Variants in ATP6V0E1 observed in about 807,000 individuals in gnomAD.
ATP6V0E1 encodes the protein V-type proton ATPase subunit e 1.
ATP6V0E1 carries 4 observed loss-of-function variants against 11.6 expected under a neutral mutation model. That is an observed-to-expected ratio of 0.35 (90% CI 0.17 to 0.79). The LOEUF (loss-of-function observed/expected upper bound fraction) is 0.79, where lower values mean the gene tolerates loss of function less well. Ranked by LOEUF, ATP6V0E1 falls within the 30% of genes least tolerant of loss-of-function variation. The pLI is 0.54. For synonymous variants in ATP6V0E1, 36 were observed against 34.8 expected (o/e 1.04, Z -0.13); for missense variants, 105 against 100.0 (o/e 1.05, Z -0.21).
At chr5:172,991,784 A>G (rs893850730) in intron 1 of ATP6V0E1, among the ~76,000 whole-genome samples, 2 of 152,140 alleles carry the variant, frequency 1.3e-5, no homozygotes, top group African/African-American at 4.8e-5. Flanking sequence ...AACTCTTACT[A>G]CCTGCACTGC....
intron 2 of ATP6V0E1, among the ~76,000 whole-genome samples, chr5:173,007,483 C>G (rs913897208): frequency 5.3e-5 from 8 of 152,188 alleles, no homozygotes; most frequent in African/African-American, 1.9e-4. Context: ...TCCTTTGTGT[C>G]AAATCATCTC....
chr5:172,991,307 G>T, intron 1 of ATP6V0E1, among the ~76,000 whole-genome samples: 1 of 152,162 alleles, frequency 6.6e-6, no homozygotes, highest in Non-Finnish European at 1.5e-5. Flanking sequence ...TCACCACTCA[G>T]CATGCAGCTC....
intron 2 of ATP6V0E1, among the ~76,000 whole-genome samples, chr5:173,001,065 C>T (rs1278173202): frequency 2.4e-4 from 37 of 152,124 alleles, no homozygotes; most frequent in Admixed American, 2.4e-3. Flanking sequence ...AGCACAGTTT[C>T]CTTACAGGGC....
chr5:173,002,528 T>C (rs1756174700), intron 2 of ATP6V0E1, among the ~76,000 whole-genome samples: 2 of 152,260 alleles, frequency 1.3e-5, no homozygotes. Context: ...TAGCCATATC[T>C]AGAGGCTGAT....
intron 3 of ATP6V0E1, among the ~76,000 whole-genome samples, chr5:173,029,665 T>C (rs569326192): frequency 6.6e-6 from 1 of 152,298 alleles, no homozygotes; most frequent in East Asian, 1.9e-4. Context: ...ATTTTTTGTT[T>C]TGTTTTGTTT....
At chr5:173,032,026 C>T (rs1286136349) in intron 3 of ATP6V0E1, among the ~76,000 whole-genome samples, 17 of 151,680 alleles carry the variant, frequency 1.1e-4, no homozygotes, top group East Asian at 2.0e-4. Context: ...TGGTGGCACA[C>T]GCCTGTAGTC....
chr5:173,033,104 T>A (rs1210543573), intron 3 of ATP6V0E1, among the ~76,000 whole-genome samples: 1 of 152,136 alleles, frequency 6.6e-6, no homozygotes, highest in East Asian at 1.9e-4. Context: ...GAAAAAAATA[T>A]TATTTATTGA....
chr5:173,019,009 G>T (rs1444138961), intron 2 of ATP6V0E1, among the ~76,000 whole-genome samples: 1 of 152,032 alleles, frequency 6.6e-6, no homozygotes, highest in Non-Finnish European at 1.5e-5. Flanking sequence ...AGGCTGGAGT[G>T]CAGTGATGTA....
intron 2 of ATP6V0E1, among the ~76,000 whole-genome samples, chr5:173,020,008 CT>C (rs755369702): frequency 3.3e-5 from 5 of 152,260 alleles, no homozygotes; most frequent in Admixed American, 6.5e-5. Context: ...CAGAGACTTA[CT>C]GTGACAAAGC....
chr5:172,996,326 G>A (rs1362531595), intron 2 of ATP6V0E1, among the ~76,000 whole-genome samples: 19 of 152,080 alleles, frequency 1.2e-4, no homozygotes, highest in African/African-American at 4.1e-4. Context: ...TTGGGAGGCC[G>A]AGGCGGGTGG....
At chr5:173,019,322 G>C (rs938784787) in intron 2 of ATP6V0E1, among the ~76,000 whole-genome samples, 2 of 152,082 alleles carry the variant, frequency 1.3e-5, no homozygotes, top group East Asian at 3.9e-4. Context: ...TTGGGAGGCC[G>C]AGGCGGGCAC....
intron 2 of ATP6V0E1, among the ~76,000 whole-genome samples, chr5:173,019,506 A>G (rs1342163524): frequency 6.6e-6 from 1 of 151,818 alleles, no homozygotes; most frequent in Non-Finnish European, 1.5e-5. Flanking sequence ...GCAAGCCGAG[A>G]TTGCACCACT....
chr5:172,995,341 A>T (rs1444907320), intron 2 of ATP6V0E1, among the ~76,000 whole-genome samples: 3 of 152,200 alleles, frequency 2.0e-5, no homozygotes. Context: ...ACCTCAAGTG[A>T]TCCGCCTGCC....
chr5:172,986,066 T>C (rs1181226654), intron 1 of ATP6V0E1, among the ~76,000 whole-genome samples: 2 of 152,210 alleles, frequency 1.3e-5, no homozygotes, highest in East Asian at 3.8e-4. Context: ...AGATTTAAAA[T>C]GGTCCACCTG....
intron 3 of ATP6V0E1, among the ~76,000 whole-genome samples, chr5:173,021,428 A>G (rs1393968691): frequency 2.0e-5 from 3 of 152,166 alleles, no homozygotes. Context: ...AGAACCAAGC[A>G]AAAGGGGTCT....
chr5:173,016,431 G>A (rs988249684), intron 2 of ATP6V0E1, among the ~76,000 whole-genome samples: 1 of 152,216 alleles, frequency 6.6e-6, no homozygotes, highest in Non-Finnish European at 1.5e-5. Flanking sequence ...CTCAGAAATA[G>A]CATCAGTATA....
Position 172,990,804 on chromosome 5 carries a change from ACGACAGAG to A in ATP6V0E1, c.105-3967_105-3960del, listed in dbSNP as rs564347318. On this transcript the variant is annotated intron_variant, in intron 1 of 3. Coordinates refer to ENST00000519374, the MANE Select transcript of ATP6V0E1 (RefSeq NM_003945.4). ...ATTGCGCCACTGCACTCCAGCCTGG[ACGACAGAG>A]CGATACTCTGTCTCAAAAATTAAAA... Among the ~76,000 whole-genome samples, 565 of 151,436 alleles carry A rather than the reference ACGACAGAG, an allele frequency of 3.7e-3. 2 individuals carry two copies. Among genetic ancestry groups the A allele is most frequent in the Non-Finnish European group, 5.3e-3 (362 of 67,890 alleles).
At chr5:173,011,880 G>A (rs568674883) in intron 2 of ATP6V0E1, among the ~76,000 whole-genome samples, 36 of 152,154 alleles carry the variant, frequency 2.4e-4, no homozygotes, top group Admixed American at 2.2e-3. Flanking sequence ...ATTCAGAGTG[G>A]ATTTTTTTTC....
At position 173,017,200 on chromosome 5, in the gene ATP6V0E1, G is replaced by A. The variant is rs115316635; in HGVS notation, c.153-3038G>A. 8.6e-3 allele frequency among the ~76,000 whole-genome samples: 1,317 copies of A among 152,322 alleles called. 19 individuals are homozygous for A. The highest frequency in any genetic ancestry group is 0.03 in the African/African-American group (1,256 of 41,570). ...GGGAAATTTAAAGTCCTGAAAGCGT[G>A]AAAGGAGACTGCTGTAGTGATATAT... On this transcript the variant is annotated intron_variant, in intron 2 of 3. Transcript: ENST00000519374.
Sources: gnomAD v4.1 joint callset for allele counts (sites outside exome capture counted in the v4.1 genomes callset) on GRCh38, gnomAD v4.1.1 for gene constraint, MANE v1.5 for transcripts, NCBI Gene and HGNC (gene_info 2026-07-23, HGNC 2026-07-21) for gene names.